TP63: variants seen among roughly 807,000 people sequenced by gnomAD.
The protein encoded by TP63 is tumor protein p63.
Under a neutral mutation model 82.8 loss-of-function variants are expected in TP63, and 17 were observed. The observed-to-expected ratio is 0.21, with a 90% CI of 0.14 to 0.31. TP63 has a LOEUF of 0.31. TP63 is among the 10% of genes least tolerant of loss of function. TP63 has a pLI of 1.00. For synonymous variants in TP63, 330 were observed against 321.7 expected (o/e 1.03, Z -0.28); for missense variants, 648 against 895.3 (o/e 0.72, Z 3.52).
intron 3 of TP63, among the ~76,000 whole-genome samples, chr3:189,801,924 C>T (rs941621277): frequency 6.6e-6 from 1 of 151,938 alleles, no homozygotes; most frequent in Non-Finnish European, 1.5e-5. Flanking sequence ...TATTTTATAC[C>T]TAATAAAATC....
chr3:189,831,875 G>A (rs1712408899), intron 4 of TP63, among the ~76,000 whole-genome samples: 1 of 129,184 alleles, frequency 7.7e-6, no homozygotes, highest in African/African-American at 3.0e-5. Flanking sequence ...TGTCACCCAG[G>A]CTGGAGGGCG....
At chr3:189,844,890 T>C (rs1714665943) in intron 4 of TP63, among the ~76,000 whole-genome samples, 1 of 152,210 alleles carries the variant, frequency 6.6e-6, no homozygotes, top group Non-Finnish European at 1.5e-5. Context: ...CTTCCCTAAA[T>C]CTTGCCTCCC....
upstream of TP63, among the ~76,000 whole-genome samples, chr3:189,627,888 C>T (rs1033371567): frequency 7.2e-5 from 11 of 152,022 alleles, no homozygotes; most frequent in Non-Finnish European, 1.2e-4. Context: ...TAAATTATAC[C>T]TCATAAAGTA....
chr3:189,818,510 G>C (rs1412011632), intron 4 of TP63, among the ~76,000 whole-genome samples: 1 of 151,788 alleles, frequency 6.6e-6, no homozygotes, highest in Non-Finnish European at 1.5e-5. Flanking sequence ...TTAACATTTT[G>C]ACATGCCATA....
chr3:189,872,400 AACACACACACACACAC>A (rs60097753), intron 9 of TP63, among the ~76,000 whole-genome samples: 11 of 146,996 alleles, frequency 7.5e-5, no homozygotes, highest in South Asian at 2.2e-4. Context: ...AAGTTTCTCT[AACACACACACACACAC>A]ACACACACAC....
intron 1 of TP63, among the ~76,000 whole-genome samples, chr3:189,639,264 T>G (rs957098559): frequency 1.3e-5 from 2 of 152,164 alleles, no homozygotes; most frequent in African/African-American, 4.8e-5. Context: ...AGCCACTTTG[T>G]TCCATTAAAA....
chr3:189,867,082 T>C (rs1455072966), intron 6 of TP63, among the ~76,000 whole-genome samples: 2 of 152,134 alleles, frequency 1.3e-5, no homozygotes, highest in African/African-American at 4.8e-5. Flanking sequence ...ATACATGAGA[T>C]TGTTTTATCC....
chr3:189,620,862 A>T, the TP63 span, among the ~76,000 whole-genome samples: 5 of 152,038 alleles, frequency 3.3e-5, no homozygotes, highest in Non-Finnish European at 7.4e-5. Flanking sequence ...CATGATGGCC[A>T]TTTTTTTTCT....
chr3:189,764,832 A>G (rs1179617589), intron 3 of TP63, among the ~76,000 whole-genome samples: 1 of 152,236 alleles, frequency 6.6e-6, no homozygotes, highest in Non-Finnish European at 1.5e-5. Flanking sequence ...TCGGCGGCAC[A>G]GCGTAATGAA....
intron 4 of TP63, among the ~76,000 whole-genome samples, chr3:189,836,925 A>G (rs1392512473): frequency 6.6e-6 from 1 of 152,230 alleles, no homozygotes; most frequent in Non-Finnish European, 1.5e-5. Flanking sequence ...TATATGTATT[A>G]TCACATTTAA....
At chr3:189,788,912 A>G (rs1724841263) in intron 3 of TP63, among the ~76,000 whole-genome samples, 1 of 151,114 alleles carries the variant, frequency 6.6e-6, no homozygotes, top group African/African-American at 2.4e-5. Context: ...GAGAAAAGAA[A>G]TATTCAAATA....
chr3:189,619,787 A>G, the TP63 span, among the ~76,000 whole-genome samples: 2 of 152,130 alleles, frequency 1.3e-5, no homozygotes, highest in Admixed American at 1.3e-4. Flanking sequence ...GTTTTTCCAG[A>G]TCAACCTCAG....
chr3:189,864,148 A>T lies in TP63; in HGVS notation c.580-84A>T. The T allele has an allele frequency of 3.2e-6, 5 of 1,584,200 alleles. No homozygotes were observed. The South Asian group carries it at 5.5e-5, about 18-fold the overall frequency. On this transcript the variant is annotated intron_variant, in intron 4 of 13. Coordinates refer to ENST00000264731, the MANE Select transcript of TP63 (RefSeq NM_003722.5). The stretch of plus-strand genomic sequence containing the variant: ...GCATGCAGCTCTAAAAAGTGGACAG[A>T]TTTTCATTGTTCTGATTTGGAATGT...
At chr3:189,893,353 C>G (rs1347209707) in intron 13 of TP63, among the ~76,000 whole-genome samples, 2 of 152,210 alleles carry the variant, frequency 1.3e-5, no homozygotes, top group Admixed American at 6.5e-5. Context: ...CCATCAAAAC[C>G]TCTGCCACAG....
At chr3:189,766,577 G>C (rs1019421817) in intron 3 of TP63, among the ~76,000 whole-genome samples, 2 of 151,974 alleles carry the variant, frequency 1.3e-5, no homozygotes, top group Non-Finnish European at 2.9e-5. Context: ...TGTCTTCCTC[G>C]CAAGCCCTGC....
intron 4 of TP63, among the ~76,000 whole-genome samples, chr3:189,812,703 A>G (rs541706129): frequency 1.3e-5 from 2 of 152,182 alleles, no homozygotes; most frequent in Non-Finnish European, 2.9e-5. Flanking sequence ...TCATGTAAAC[A>G]TACCTATTAG....
At chr3:189,795,802 G>C (rs1416774757) in intron 3 of TP63, among the ~76,000 whole-genome samples, 1 of 151,998 alleles carries the variant, frequency 6.6e-6, no homozygotes. Flanking sequence ...ACATACTCTA[G>C]GGATGATGAG....
intron 4 of TP63, among the ~76,000 whole-genome samples, chr3:189,813,721 A>G (rs1308692616): frequency 6.6e-6 from 1 of 151,902 alleles, no homozygotes; most frequent in Non-Finnish European, 1.5e-5. Context: ...AAGGTCTTGT[A>G]TGGCAGACTC....
chr3:189,794,399 T>C (rs1347787984), intron 3 of TP63, among the ~76,000 whole-genome samples: 1 of 151,910 alleles, frequency 6.6e-6, no homozygotes, highest in African/African-American at 2.4e-5. Context: ...AGAGAGTCCA[T>C]GATGTAGGAA....
Sources: gnomAD v4.1 joint callset for allele counts (sites outside exome capture counted in the v4.1 genomes callset) on GRCh38, gnomAD v4.1.1 for gene constraint, MANE v1.5 for transcripts, NCBI Gene and HGNC (gene_info 2026-07-23, HGNC 2026-07-21) for gene names.